The following RARG variants were observed in gnomAD, a reference collection of about 807,000 sequenced individuals.
RARG encodes RAR-gamma.
In RARG, 17 loss-of-function variants were observed where a neutral mutation model predicts 43.7. The ratio of observed to expected loss-of-function variants is 0.39; its 90% confidence interval spans 0.27 to 0.58. The LOEUF (loss-of-function observed/expected upper bound fraction) is 0.58. Ranked by LOEUF, RARG falls within the 20% of genes least tolerant of loss-of-function variation. The pLI is 0.57. For missense variants in RARG, 346 were observed against 598.7 expected, an observed-to-expected ratio of 0.58 and a Z score of 4.40; for synonymous variants, 238 against 236.4, an observed-to-expected ratio of 1.01 and a Z score of -0.06.
Position 53,227,392 on chromosome 12 carries a change from G to C in RARG, c.154C>G (p.Pro52Ala). 6.3e-7 allele frequency: 1 copy of C among 1,596,094 alleles called. No homozygotes were observed. The highest frequency in any genetic ancestry group is 8.5e-7 in the Non-Finnish European group (1 of 1,171,756). The change falls in exon 3 of 10, where the codon CCT becomes GCT. Residue 52 changes from proline to alanine, a missense_variant. Pro to Ala is a conservative substitution (Grantham distance 27). This residue lies in a region of RARG where 90 missense variants were observed against 93.2 expected (regional missense o/e 0.97). Coordinates refer to ENST00000425354, the MANE Select transcript of RARG (RefSeq NM_000966.6). The surrounding 1 kb of genome is among the most constrained non-coding windows in gnomAD (Gnocchi z 4.3). ...LSPSFRGLGQ[P>A]DLPKEMASLS... ...GAGGCCATCTCCTTGGGGAGGTCAGGCTGGCCCAGGCCCCGGAAGCTAGGG... is the reference window on the plus strand; with the variant it reads ...GAGGCCATCTCCTTGGGGAGGTCAGCCTGGCCCAGGCCCCGGAAGCTAGGG...
chr12:53,227,760 T>C lies in RARG; in HGVS notation c.-142-73A>G. The stretch of plus-strand genomic sequence containing the variant: ...AGGTTCCAAGCCCTGTGACCCTCTC[T>C]CAGTTGCAGTCTTCTCCCTCTGTGC... On this transcript the variant is annotated intron_variant, in intron 2 of 9. Transcript: ENST00000425354. This position sits in a 1 kb window ranked among gnomAD's most constrained non-coding sequence, Gnocchi z 4.3. The C allele has an allele frequency of 9.4e-7, 1 of 1,062,732 alleles. No individual in the cohort carries two copies. The highest frequency in any genetic ancestry group is 4.2e-5 in the Admixed American group (1 of 23,738). The allele number at this position is 1,062,732 out of a possible 1,614,324, so 65.8% of individuals were successfully genotyped here.
intron 3 of RARG, among the ~76,000 whole-genome samples, chr12:53,225,017 C>A (rs1943072790): frequency 6.6e-6 from 1 of 152,172 alleles, no homozygotes; most frequent in Admixed American, 6.5e-5. Flanking sequence ...CTCTCCACTC[C>A]ATCTCCTTTA....
chr12:53,215,637 C>T lies in RARG; in HGVS notation c.333+9G>A, dbSNP rs370395870. The T allele has an allele frequency of 3.1e-6, 5 of 1,609,996 alleles. No homozygotes were observed. The African/African-American group carries it at 4.0e-5, about 13-fold the overall frequency. ...ATCCCCCGTCTGCCCACTCCCACCA[C>T]GTACACACCTTGCAGCCTTCACAAG... On this transcript the variant is annotated intron_variant, in intron 4 of 9. Transcript: ENST00000425354. This position sits in a 1 kb window ranked among gnomAD's most constrained non-coding sequence, Gnocchi z 6.4.
chr12:53,221,086 C>T (rs938624007), intron 3 of RARG, among the ~76,000 whole-genome samples: 45 of 151,956 alleles, frequency 3.0e-4, no homozygotes, highest in Non-Finnish European at 4.9e-4. Flanking sequence ...GGGCGGGTGG[C>T]CGAGCGCGCT....
At chr12:53,229,484 C>T (rs1943181926) in intron 2 of RARG, among the ~76,000 whole-genome samples, 1 of 152,188 alleles carries the variant, frequency 6.6e-6, no homozygotes, top group African/African-American at 2.4e-5. Flanking sequence ...GCATCCCCTG[C>T]CCCTCACCAT....
At chr12:53,220,197 G>T in intron 3 of RARG, 1 of 1,548,226 alleles carries the variant, frequency 6.5e-7, no homozygotes, top group South Asian at 1.2e-5. Context: ...CCAGCAGGGG[G>T]GGAGGGGGAG....
intron 2 of RARG, among the ~76,000 whole-genome samples, chr12:53,228,935 C>T (rs1270397216): frequency 6.6e-6 from 1 of 152,096 alleles, no homozygotes; most frequent in Admixed American, 6.5e-5. Flanking sequence ...TCCCTGCAAC[C>T]TCTCCTCCCC....
In RARG at chr12:53,211,960, T is replaced by TA; in HGVS notation, c.1178-98dup. ...CTTTCTCAACTGCCCCTGACTCCCC[T>TA]AGGGGGCGCCCAGCACAGGCCCACC... On this transcript the variant is annotated intron_variant, in intron 9 of 9. Coordinates refer to ENST00000425354, the MANE Select transcript of RARG (RefSeq NM_000966.6). The surrounding 1 kb of genome is among the most constrained non-coding windows in gnomAD (Gnocchi z 4.6). 2 of 1,011,768 alleles carry TA rather than the reference T, an allele frequency of 2.0e-6. No homozygotes were observed. Among genetic ancestry groups the TA allele is most frequent in the Non-Finnish European group, 2.6e-6 (2 of 760,756 alleles). The allele number at this position is 1,011,768 out of a possible 1,614,324, so 62.7% of individuals were successfully genotyped here.
intron 3 of RARG, among the ~76,000 whole-genome samples, chr12:53,217,103 C>T (rs1301667419): frequency 1.3e-5 from 2 of 152,238 alleles, no homozygotes; most frequent in South Asian, 2.1e-4. Flanking sequence ...CAGGGTTCCA[C>T]GCTAGCTCCA....
intron 2 of RARG, chr12:53,230,045 CT>C: frequency 6.7e-6 from 6 of 901,224 alleles, no homozygotes; most frequent in Non-Finnish European, 8.0e-6. Flanking sequence ...AGCCTTGGTT[CT>C]GTCGTGGCTG....
intron 3 of RARG, among the ~76,000 whole-genome samples, chr12:53,218,218 C>G (rs1942832660): frequency 3.9e-5 from 6 of 152,106 alleles, no homozygotes; most frequent in Admixed American, 3.9e-4. Context: ...CACATCCAGC[C>G]CACCTCCACC....
At chr12:53,214,842 C>G in intron 5 of RARG, 1 of 489,946 alleles carries the variant, frequency 2.0e-6, no homozygotes, top group East Asian at 3.2e-5. Flanking sequence ...CGGCTCCATC[C>G]TGTCCTTCCT....
At position 53,213,311 on chromosome 12, in the gene RARG, T is replaced by C; in HGVS notation, c.1019-68A>G. On this transcript the variant is annotated intron_variant, in intron 8 of 9. Transcript: ENST00000425354. This position sits in a 1 kb window ranked among gnomAD's most constrained non-coding sequence, Gnocchi z 4.7. ...TGGGGAAGACACAGTGACAGATGGCTGATCACCAACCGGCGTTTTGGGAAG... is the reference window on the plus strand; with the variant it reads ...TGGGGAAGACACAGTGACAGATGGCCGATCACCAACCGGCGTTTTGGGAAG... 6.7e-7 allele frequency: 1 copy of C among 1,500,996 alleles called. No homozygotes were observed. The highest frequency in any genetic ancestry group is 9.2e-7 in the Non-Finnish European group (1 of 1,088,376). 93.0% of individuals were successfully genotyped at this position (1,500,996 alleles called of 1,614,324 possible).
At chr12:53,212,737 TACACACACACACACACACAC>T (rs1160084920) in intron 9 of RARG, among the ~76,000 whole-genome samples, 1 of 133,700 alleles carries the variant, frequency 7.5e-6, no homozygotes, top group African/African-American at 2.9e-5. Context: ...AATATATATA[TACACACACACACACACACAC>T]ACACACACAC....
intron 3 of RARG, among the ~76,000 whole-genome samples, chr12:53,218,042 ACACT>A (rs1301738651): frequency 6.6e-6 from 1 of 152,114 alleles, no homozygotes; most frequent in African/African-American, 2.4e-5. Context: ...GAATAGAGAC[ACACT>A]CACTCCAGCT....
At chr12:53,226,774 G>A (rs1943117738) in intron 3 of RARG, among the ~76,000 whole-genome samples, 1 of 151,028 alleles carries the variant, frequency 6.6e-6, no homozygotes, top group Non-Finnish European at 1.5e-5. Flanking sequence ...ACTACGCCCA[G>A]CTAATTTTTG....
In RARG at chr12:53,214,502, T is replaced by G. The variant is rs1337655747; in HGVS notation, c.580A>C (p.Ser194Arg). Residue 194 changes from serine (S) to arginine (R), a missense_variant, in exon 6 of 10, where the codon AGC becomes CGC. Physicochemically the swap from Ser to Arg is moderately radical, Grantham distance 110 (BLOSUM62 -1). Coordinates refer to ENST00000425354, the MANE Select transcript of RARG (RefSeq NM_000966.6). Reference sequence around the variant, plus strand: ...GGGAAAGTCTCCTGATGGGCTTTGCTGACCTTGGTGATGAGCTCTTCTAAC... The same window carrying G: ...GGGAAAGTCTCCTGATGGGCTTTGCGGACCTTGGTGATGAGCTCTTCTAAC... ...PQLEELITKV[S>R]KAHQETFPSL... 1 of 1,613,996 alleles carries G rather than the reference T, an allele frequency of 6.2e-7. No individual in the cohort carries two copies. The highest frequency in any genetic ancestry group is 8.5e-7 in the Non-Finnish European group (1 of 1,179,834).
intron 3 of RARG, chr12:53,220,498 C>T (rs1227390356): frequency 8.8e-6 from 4 of 457,032 alleles, no homozygotes; most frequent in African/African-American, 6.0e-5. Context: ...CTCCGCGGCG[C>T]GCGCGCTTGC....
At chr12:53,221,358 A>G (rs1441920148) in intron 3 of RARG, among the ~76,000 whole-genome samples, 1 of 151,922 alleles carries the variant, frequency 6.6e-6, no homozygotes, top group Non-Finnish European at 1.5e-5. Context: ...CTACCCCATA[A>G]GCTGTGCCTG....
Sources: gnomAD v4.1 joint callset for allele counts (sites outside exome capture counted in the v4.1 genomes callset) on GRCh38, gnomAD v4.1.1 for gene constraint, gnomAD v4.1.1 regional missense constraint, Gnocchi (gnomAD v3.1) non-coding constraint, MANE v1.5 for transcripts, NCBI Gene and HGNC (gene_info 2026-07-23, HGNC 2026-07-21) for gene names.